SIGLEC10: variants seen among roughly 807,000 people sequenced by gnomAD.
SIGLEC10 encodes the protein sialic acid-binding Ig-like lectin 10.
Under a neutral mutation model 68.3 loss-of-function variants are expected in SIGLEC10, and 45 were observed. That is an observed-to-expected ratio of 0.66 (90% CI 0.52 to 0.84). The LOEUF is 0.84. SIGLEC10 is among the 40% of genes least tolerant of loss of function. The pLI, the probability that SIGLEC10 is intolerant of heterozygous loss-of-function variation, is 0.00. For missense variants in SIGLEC10, 789 were observed against 883.1 expected (o/e 0.89, Z 1.35); for synonymous variants, 379 against 370.8 (o/e 1.02, Z -0.26).
In SIGLEC10 at chr19:51,416,918, C is replaced by T. The variant is rs756210271; in HGVS notation, c.454G>A (p.Glu152Lys). The change falls in exon 3 of 11, where the codon GAG (glutamate) becomes AAG (lysine). Residue 152 changes from glutamate to lysine, a missense_variant. Glu to Lys is a moderately conservative substitution (Grantham distance 56). Transcript: ENST00000339313. The part of the protein sequence containing the change: ...LTQKPDVYIP[E>K]TLEPGQPVTV... ...ACCGGCTGCCCGGGCTCCAGGGTCT[C>T]GGGGATGTAGACATCAGGCTTCTGA... 8 of 1,613,768 alleles carry T rather than the reference C, an allele frequency of 5.0e-6. No homozygotes were observed. Among genetic ancestry groups the T allele is most frequent in the South Asian group, 2.2e-5 (2 of 91,054 alleles).
rs934515980 is a variant in SIGLEC10, at chr19:51,414,335, A to T, written c.1709+87T>A. 2 of 1,113,246 alleles carry T rather than the reference A, an allele frequency of 1.8e-6. No individual in the cohort carries two copies. The highest frequency in any genetic ancestry group is 2.0e-5 in the Admixed American group (1 of 50,902). 69.0% of individuals were successfully genotyped at this position (1,113,246 alleles called of 1,614,324 possible). A position where few individuals can be genotyped will look rare whatever the true frequency, so the allele number is the denominator to read the frequency against. ...TAACCTCCAGAGGTATACTGCGTTGATCACGACCTTCACTCTTTCGGCCTG... is the reference window on the plus strand; with the variant it reads ...TAACCTCCAGAGGTATACTGCGTTGTTCACGACCTTCACTCTTTCGGCCTG... On this transcript the variant is annotated intron_variant, in intron 9 of 10. Coordinates refer to ENST00000339313, the MANE Select transcript of SIGLEC10 (RefSeq NM_033130.5). The surrounding 1 kb of genome is among the most constrained non-coding windows in gnomAD (Gnocchi z 4.1).
At chr19:51,416,508 C>T in intron 3 of SIGLEC10, 151 bp from the exon 4 acceptor site, 1 of 1,580,854 alleles carries the variant, frequency 6.3e-7, no homozygotes, top group Non-Finnish European at 8.6e-7. Flanking sequence ...GACGCCATTC[C>T]CATCCCCCTC....
Position 51,414,463 on chromosome 19 carries a change from G to T in SIGLEC10, c.1668C>A (p.Ile556=). The T allele has an allele frequency of 1.9e-6, 3 of 1,613,994 alleles. No homozygotes were observed. Among genetic ancestry groups the T allele is most frequent in the Non-Finnish European group, 2.5e-6 (3 of 1,179,992 alleles). The change falls in exon 9 of 11, where the codon ATC becomes ATA. Residue 556 remains isoleucine, a synonymous_variant. Coordinates refer to ENST00000339313, the MANE Select transcript of SIGLEC10 (RefSeq NM_033130.5). This position sits in a 1 kb window ranked among gnomAD's most constrained non-coding sequence, Gnocchi z 4.1. ...TAFSNGAFLG[I]GITALLFLCL... ...AGAGGAAAAGAAGAGCCGTGATGCC[G>T]ATTCCCAGAAACGCTCCGTTGGAGA...
At position 51,410,792 on chromosome 19, in the gene SIGLEC10, G is replaced by T. The variant is rs1187371877; in HGVS notation, c.*307C>A. ...GCTTCCCAAGTAGGTAGGATTACAGGCGCCTGCCACCATGCCCAGCTAATT... is the reference window on the plus strand; with the variant it reads ...GCTTCCCAAGTAGGTAGGATTACAGTCGCCTGCCACCATGCCCAGCTAATT... On this transcript the variant is annotated 3_prime_UTR_variant, in exon 11 of 11. Transcript: ENST00000339313. The T allele has an allele frequency of 4.3e-6, 1 of 232,616 alleles. No individual in the cohort carries two copies. The highest frequency in any genetic ancestry group is 8.5e-6 in the Non-Finnish European group (1 of 117,282). The allele number at this position is 232,616 out of a possible 1,614,324, so 14.4% of individuals were successfully genotyped here.
At chr19:51,417,026 T>C in intron 2 of SIGLEC10, 56 bp downstream of exon 2, 1 of 1,599,188 alleles carries the variant, frequency 6.3e-7, no homozygotes, top group Non-Finnish European at 8.5e-7. Flanking sequence ...GCCCATAGGC[T>C]GTCCCCAGGG....
intron 3 of SIGLEC10, 137 bp from the exon 4 acceptor site, chr19:51,416,494 AC>A (rs750701717): frequency 6.3e-7 from 1 of 1,589,994 alleles, no homozygotes; most frequent in Admixed American, 1.8e-5. Context: ...ACGTGTGTGG[AC>A]CAGACGCCAT....
Position 51,415,381 on chromosome 19 carries a change from C to T in SIGLEC10, c.1130G>A (p.Cys377Tyr), listed in dbSNP as rs148330195. ...SLPVLEGQSLCLVCVTHSSPP... is the reference protein window; with the variant it reads ...SLPVLEGQSLYLVCVTHSSPP... ...GCTGCTGTGTGTGACACAGACCAGG[C>T]ACAGGCTTTGGCCCTCCAGTACTGG... Residue 377 changes from cysteine to tyrosine, a missense_variant, in exon 7 of 11, where the codon TGC (cysteine) becomes TAC (tyrosine). Coordinates refer to ENST00000339313, the MANE Select transcript of SIGLEC10 (RefSeq NM_033130.5). The T allele has an allele frequency of 6.8e-6, 11 of 1,611,578 alleles. No homozygotes were observed. In the African/African-American group the frequency reaches 9.4e-5, roughly 14 times the overall value.
rs200977765 is a variant in SIGLEC10, at chr19:51,416,889, C to T, written c.483G>A (p.Thr161=). The T allele has an allele frequency of 3.9e-4, 634 of 1,614,066 alleles. 1 individual carries two copies. Among genetic ancestry groups the T allele is most frequent in the Non-Finnish European group, 4.8e-4 (572 of 1,180,004 alleles). ...PETLEPGQPV[T]VICVFNWAFE... The stretch of plus-strand genomic sequence containing the variant: ...AGGCCCAGTTAAACACACAGATGAC[C>T]GTCACCGGCTGCCCGGGCTCCAGGG... Residue 161 remains threonine (T), a synonymous_variant, in exon 3 of 11, where the codon ACG becomes ACA. Transcript: ENST00000339313.
At position 51,416,310 on chromosome 19, in the gene SIGLEC10, C is replaced by A. The variant is rs776884763; in HGVS notation, c.754G>T (p.Ala252Ser). Residue 252 changes from alanine to serine, a missense_variant and splice_region_variant, in exon 4 of 11, where the codon GCC (alanine) becomes TCC (serine). Ala to Ser is a moderately conservative substitution (Grantham distance 99, BLOSUM62 1). Transcript: ENST00000339313. ...VISISRDNTP[A>S]LEPQPQGNVP... ...GCCCCAGCCCGACGGCCCTCAGTAC[C>A]TGGCGTGTTGTCACGTGAAATGCTG... The A allele has an allele frequency of 1.9e-6, 3 of 1,614,030 alleles. No homozygotes were observed. Among genetic ancestry groups the A allele is most frequent in the South Asian group, 1.1e-5 (1 of 91,080 alleles).
Position 51,415,393 on chromosome 19 carries a change from C to T in SIGLEC10, c.1118G>A (p.Gly373Asp), listed in dbSNP as rs752669777. Residue 373 changes from glycine (G) to aspartate (D), a missense_variant, in exon 7 of 11, where the codon GGC becomes GAC. By Grantham distance (94) the Gly-to-Asp change is moderately conservative. Transcript: ENST00000339313. ...GNGTSLPVLEGQSLCLVCVTH... is the reference protein window; with the variant it reads ...GNGTSLPVLEDQSLCLVCVTH... ...GACACAGACCAGGCACAGGCTTTGG[C>T]CCTCCAGTACTGGGAGAGACGTGCC... 3.1e-6 allele frequency: 5 copies of T among 1,608,964 alleles called. No individual in the cohort carries two copies. The East Asian group carries it at 8.9e-5, about 29-fold the overall frequency.
chr19:51,412,484 C>T (rs1017251866), intron 10 of SIGLEC10, among the ~76,000 whole-genome samples: 28 of 143,250 alleles, frequency 2.0e-4, no homozygotes, highest in Non-Finnish European at 2.8e-4. Context: ...TGGAATTAGT[C>T]TTTTTTTTTT....
chr19:51,412,437 A>T (rs1788045580), intron 10 of SIGLEC10, among the ~76,000 whole-genome samples: 1 of 151,148 alleles, frequency 6.6e-6, no homozygotes, highest in African/African-American at 2.4e-5. Flanking sequence ...ATGTGGTGTT[A>T]TTTGCTAAGA....
chr19:51,410,984 GAGAGAGAA>G lies in SIGLEC10; in HGVS notation c.*107_*114del. 1.6e-6 allele frequency: 2 copies of G among 1,215,690 alleles called. No individual in the cohort carries two copies. Among genetic ancestry groups the G allele is most frequent in the South Asian group, 1.5e-5 (1 of 66,886 alleles). 75.3% of individuals were successfully genotyped at this position (1,215,690 alleles called of 1,614,324 possible). A position where few individuals can be genotyped will look rare whatever the true frequency, so the allele number is the denominator to read the frequency against. The stretch of plus-strand genomic sequence containing the variant: ...TTTAAAAGAGAGAGAAAGAGAGAGA[GAGAGAGAA>G]AGAGAGAGAGAGAGGGAGAGAAGGA... On this transcript the variant is annotated 3_prime_UTR_variant, in exon 11 of 11. Coordinates refer to ENST00000339313, the MANE Select transcript of SIGLEC10 (RefSeq NM_033130.5).
intron 6 of SIGLEC10, 29 bp from the exon 7 acceptor site, chr19:51,415,467 G>A: frequency 6.2e-7 from 1 of 1,610,028 alleles, no homozygotes; most frequent in Non-Finnish European, 8.5e-7. Context: ...GAATCGATGA[G>A]CAGCTCAGGG....
rs199882748 is a variant in SIGLEC10 at position 51,416,038 on chromosome 19, A to G, written c.884T>C (p.Leu295Pro). 8.1e-6 allele frequency: 13 copies of G among 1,613,152 alleles called. No individual in the cohort carries two copies. The highest frequency in any genetic ancestry group is 1.1e-5 in the Non-Finnish European group (13 of 1,179,916). ...TLSWVLQNRVLSSSHPWGPRP... is the reference protein window; with the variant it reads ...TLSWVLQNRVPSSSHPWGPRP... ...AGGGCCCCAGGGATGGGACGAGGAG[A>G]GGACTCTGTTCTGCAGGACCCAGCT... The change falls in exon 5 of 11, where the codon CTC becomes CCC. Residue 295 changes from leucine to proline, a missense_variant. Coordinates refer to ENST00000339313, the MANE Select transcript of SIGLEC10 (RefSeq NM_033130.5).
chr19:51,411,704 G>C (rs998405372), intron 10 of SIGLEC10, among the ~76,000 whole-genome samples: 1 of 152,128 alleles, frequency 6.6e-6, no homozygotes, highest in Non-Finnish European at 1.5e-5. Context: ...AAATTAGCCG[G>C]GCGTGGTGAC....
At position 51,415,888 on chromosome 19, in the gene SIGLEC10, G is replaced by T; in HGVS notation, c.1024+10C>A. ...CCAATGGACTCCAGGCCCCTGCTGG[G>T]CACACTCACACTGCACAGAGAGGTC... On this transcript the variant is annotated intron_variant, in intron 5 of 10. Coordinates refer to ENST00000339313, the MANE Select transcript of SIGLEC10 (RefSeq NM_033130.5). 1.2e-6 allele frequency: 2 copies of T among 1,612,476 alleles called. No homozygotes were observed. Among genetic ancestry groups the T allele is most frequent in the Non-Finnish European group, 1.7e-6 (2 of 1,179,962 alleles).
rs991589217 is a variant in SIGLEC10 at position 51,410,847 on chromosome 19, C to T, written c.*252G>A. On this transcript the variant is annotated 3_prime_UTR_variant, in exon 11 of 11. Transcript: ENST00000339313. ...TATTTTTAGTAGAGACGGGGTTTCA[C>T]CAAGTTGGCCAGGCTGGTCTCGAAC... is the stretch of plus-strand genomic sequence containing the variant. The T allele has an allele frequency of 5.3e-6, 2 of 379,488 alleles. No homozygotes were observed. The highest frequency in any genetic ancestry group is 9.9e-5 in the South Asian group (2 of 20,250). 23.5% of individuals were successfully genotyped at this position (379,488 alleles called of 1,614,324 possible). A position where few individuals can be genotyped will look rare whatever the true frequency, so the allele number is the denominator to read the frequency against.
Position 51,410,976 on chromosome 19 carries a change from G to T in SIGLEC10, c.*123C>A. On this transcript the variant is annotated 3_prime_UTR_variant, in exon 11 of 11. Transcript: ENST00000339313. ...GATGTTTTTTTAAAAGAGAGAGAAA[G>T]AGAGAGAGAGAGAGAAAGAGAGAGA... 1 of 719,598 alleles carries T rather than the reference G, an allele frequency of 1.4e-6. No individual in the cohort carries two copies. Among genetic ancestry groups the T allele is most frequent in the East Asian group, 3.6e-5 (1 of 27,514 alleles). 44.6% of individuals were successfully genotyped at this position (719,598 alleles called of 1,614,324 possible).
Sources: allele counts gnomAD v4.1 joint callset (sites outside exome capture counted in the v4.1 genomes callset), GRCh38; gene constraint gnomAD v4.1.1; non-coding constraint Gnocchi (gnomAD v3.1); transcripts MANE v1.5; gene names NCBI Gene and HGNC (gene_info 2026-07-23, HGNC 2026-07-21).